The following SEC14L3 variants were observed in gnomAD, a reference collection of about 807,000 sequenced individuals.
SEC14L3 encodes the protein SEC14-like protein 3.
A neutral mutation model predicts 57.4 loss-of-function variants in SEC14L3; 56 were observed. The observed-to-expected ratio is 0.97, with a 90% CI of 0.79 to 1.22. The LOEUF is 1.22. SEC14L3 is among the 50% of genes most tolerant of loss of function. The pLI is 0.00. For synonymous variants in SEC14L3, 173 were observed against 194.4 expected, an observed-to-expected ratio of 0.89 and a Z score of 0.92; for missense variants, 485 against 511.7, an observed-to-expected ratio of 0.95 and a Z score of 0.50.
intron 4 of SEC14L3, 112 bp from the exon 5 acceptor site, chr22:30,468,808 T>C: frequency 6.3e-7 from 1 of 1,593,458 alleles, no homozygotes; most frequent in Non-Finnish European, 8.5e-7. Flanking sequence ...AAAAGCACTG[T>C]CCCTCCCTGG....
At chr22:30,467,228 C>G (rs367773474) in intron 5 of SEC14L3, 151 bp from the exon 6 acceptor site, 4 of 1,012,884 alleles carry the variant, frequency 3.9e-6, no homozygotes, top group Non-Finnish European at 5.6e-6. Flanking sequence ...CATTTCCCCA[C>G]TCATCCATCC....
Position 30,449,427 on chromosome 22 carries a change from TA to T in SEC14L3, c.905-184del, listed in dbSNP as rs535676830. Among the ~76,000 whole-genome samples, 279 of 152,332 alleles carry T rather than the reference TA, an allele frequency of 1.8e-3. 3 individuals carry two copies. The highest frequency in any genetic ancestry group is 6.6e-3 in the African/African-American group (274 of 41,576). On this transcript the variant is annotated intron_variant, in intron 12 of 12. Coordinates refer to the SEC14L3 transcript ENST00000403066. Reference sequence around the variant, plus strand: ...ACTTAATCAAGTACTTTTTCATGCATAAAAGGTATTTTGTGAAAGTTCACAG... The same window carrying T: ...ACTTAATCAAGTACTTTTTCATGCATAAAGGTATTTTGTGAAAGTTCACAG...
intron 12 of SEC14L3, among the ~76,000 whole-genome samples, chr22:30,453,049 A>G (rs965461323): frequency 6.6e-6 from 1 of 152,096 alleles, no homozygotes; most frequent in African/African-American, 2.4e-5. Flanking sequence ...TCAAGAGCCC[A>G]ATTAGTATTG....
intron 5 of SEC14L3, 125 bp from the exon 6 acceptor site, chr22:30,467,202 G>C: frequency 7.5e-7 from 1 of 1,329,658 alleles, no homozygotes; most frequent in Non-Finnish European, 1.0e-6. Context: ...GGAACAAGTA[G>C]ACTAACCAGT....
At chr22:30,449,563 CTT>C (rs1934941223) in intron 12 of SEC14L3, among the ~76,000 whole-genome samples, 1 of 140,782 alleles carries the variant, frequency 7.1e-6, no homozygotes, top group East Asian at 2.0e-4. Context: ...CTTTTCTTTT[CTT>C]TTCTTTTTTT....
At position 30,468,542 on chromosome 22, in the gene SEC14L3, C is replaced by T. The variant is rs115812777; in HGVS notation, c.389G>A (p.Arg130His). 4.1e-5 allele frequency: 66 copies of T among 1,613,768 alleles called. No homozygotes were observed. The highest frequency in any genetic ancestry group is 1.2e-4 in the African/African-American group (9 of 74,970). The change falls in exon 5 of 12, where the codon CGC (arginine) becomes CAC (histidine). Residue 130 changes from arginine (R) to histidine (H), a missense_variant. Physicochemically the swap from Arg to His is conservative, Grantham distance 29. Transcript: ENST00000215812. ...CTGCAGGTCACACTCATGCAGGATG[C>T]GCTCACAGTCCCTCATCTTGGTCTT... is the stretch of plus-strand genomic sequence containing the variant. Reference protein sequence around the residue: ...LLKTKMRDCERILHECDLQTE... With the variant: ...LLKTKMRDCEHILHECDLQTE...
chr22:30,459,561 C>T lies in SEC14L3; in HGVS notation c.*460G>A. On this transcript the variant is annotated 3_prime_UTR_variant, in exon 12 of 12. Transcript: ENST00000215812. ...TCCTAATCATGTACAGCTGTTGAGTCACCTGCACCCTACCTTCTGGTCCTC... is the reference window on the plus strand; with the variant it reads ...TCCTAATCATGTACAGCTGTTGAGTTACCTGCACCCTACCTTCTGGTCCTC... The T allele has an allele frequency of 3.0e-6, 3 of 988,242 alleles. No homozygotes were observed. Among genetic ancestry groups the T allele is most frequent in the Non-Finnish European group, 3.6e-6 (3 of 831,410 alleles). 61.2% of individuals were successfully genotyped at this position (988,242 alleles called of 1,614,324 possible). A position where few individuals can be genotyped will look rare whatever the true frequency, so the allele number is the denominator to read the frequency against.
chr22:30,452,062 C>T (rs1934997650), intron 12 of SEC14L3, among the ~76,000 whole-genome samples: 1 of 149,276 alleles, frequency 6.7e-6, no homozygotes, highest in Non-Finnish European at 1.5e-5. Flanking sequence ...AAGAAAAATC[C>T]GGCTGGAATT....
At chr22:30,462,027 G>C in intron 9 of SEC14L3, 59 bp downstream of exon 9, 4 of 1,537,550 alleles carry the variant, frequency 2.6e-6, no homozygotes, top group Non-Finnish European at 3.6e-6. Flanking sequence ...TGACTGAGTG[G>C]AAAGGGAATC....
chr22:30,452,441 T>C (rs180980977), intron 12 of SEC14L3, among the ~76,000 whole-genome samples: 1 of 151,900 alleles, frequency 6.6e-6, no homozygotes, highest in Non-Finnish European at 1.5e-5. Flanking sequence ...AGACAGGGTA[T>C]TGCCATGTTG....
downstream of SEC14L3, among the ~76,000 whole-genome samples, chr22:30,454,565 T>TATAATC (rs1569224971): frequency 1.1e-3 from 137 of 124,124 alleles, 11 homozygotes; most frequent in African/African-American, 4.0e-3. Flanking sequence ...TATAATAATA[T>TATAATC]TATATATAAT....
intron 12 of SEC14L3, among the ~76,000 whole-genome samples, chr22:30,451,266 G>A (rs1205354709): frequency 6.6e-6 from 1 of 152,188 alleles, no homozygotes; most frequent in Non-Finnish European, 1.5e-5. Context: ...GACAAGATGA[G>A]GAGTTGGGGC....
chr22:30,468,171 C>T (rs1035751299), intron 5 of SEC14L3, among the ~76,000 whole-genome samples: 4 of 151,940 alleles, frequency 2.6e-5, no homozygotes, highest in Non-Finnish European at 5.9e-5. Flanking sequence ...CCCAGCTACT[C>T]AGGAGGCCGA....
chr22:30,469,246 G>A (rs2146124460), intron 4 of SEC14L3, among the ~76,000 whole-genome samples: 1 of 152,152 alleles, frequency 6.6e-6, no homozygotes, highest in African/African-American at 2.4e-5. Flanking sequence ...AGGAGTTCAA[G>A]GCTGCAGTGA....
chr22:30,456,317 A>C (rs907805990), downstream of SEC14L3, among the ~76,000 whole-genome samples: 1 of 151,334 alleles, frequency 6.6e-6, no homozygotes, highest in Admixed American at 6.6e-5. Context: ...AAAAAAAAAA[A>C]ACAAACACCA....
Position 30,460,193 on chromosome 22 carries a change from T to G in SEC14L3, c.1082-51A>C, listed in dbSNP as rs780522813. 14 of 1,595,720 alleles carry G rather than the reference T, an allele frequency of 8.8e-6. No individual in the cohort carries two copies. The South Asian group carries it at 1.0e-4, about 11-fold the overall frequency. On this transcript the variant is annotated intron_variant, in intron 11 of 11. Coordinates refer to ENST00000215812, the MANE Select transcript of SEC14L3 (RefSeq NM_174975.5). ...ATTGGGCTTGGCTTTACACACTCTT[T>G]TTTCCACCCCTGGCCATGGAGGAGG... is the stretch of plus-strand genomic sequence containing the variant.
chr22:30,455,052 C>A (rs1200182840), downstream of SEC14L3, among the ~76,000 whole-genome samples: 6 of 54,642 alleles, frequency 1.1e-4, no homozygotes, highest in Admixed American at 3.3e-4. Flanking sequence ...AATAGATATA[C>A]AATATATTAT....
chr22:30,460,210 TGGA>T (rs1935209827), intron 11 of SEC14L3, 68 bp from the exon 12 acceptor site: 6 of 1,583,186 alleles, frequency 3.8e-6, no homozygotes, highest in African/African-American at 2.7e-5. Context: ...CCCCTGGCCA[TGGA>T]GGAGGACAGG....
chr22:30,466,520 C>T, intron 6 of SEC14L3, 126 bp from the exon 7 acceptor site: 1 of 1,229,026 alleles, frequency 8.1e-7, no homozygotes, highest in Non-Finnish European at 1.2e-6. Context: ...CCATCACCTC[C>T]CCTGGCCTCT....
Sources: gnomAD v4.1 joint callset for allele counts (sites outside exome capture counted in the v4.1 genomes callset) on GRCh38, gnomAD v4.1.1 for gene constraint, MANE v1.5 for transcripts, NCBI Gene and HGNC (gene_info 2026-07-23, HGNC 2026-07-21) for gene names.